The following PPP1R13B variants were observed in gnomAD, a reference collection of about 807,000 sequenced individuals.
The protein encoded by PPP1R13B is apoptosis-stimulating of p53 protein 1.
A neutral mutation model predicts 119.8 loss-of-function variants in PPP1R13B; 44 were observed. That is an observed-to-expected ratio of 0.37 (90% CI 0.29 to 0.47). The LOEUF (loss-of-function observed/expected upper bound fraction) is 0.47, where lower values mean the gene tolerates loss of function less well. PPP1R13B is among the 20% of genes least tolerant of loss of function. PPP1R13B has a pLI of 0.99. For synonymous variants in PPP1R13B, 542 were observed against 561.5 expected (o/e 0.97, Z 0.49); for missense variants, 1,227 against 1,413.5 (o/e 0.87, Z 2.12).
chr14:103,839,845 A>G (rs1441011294), intron 1 of PPP1R13B, among the ~76,000 whole-genome samples: 1 of 152,164 alleles, frequency 6.6e-6, no homozygotes, highest in Non-Finnish European at 1.5e-5. Flanking sequence ...AGCTATGATA[A>G]TTACAATCAC....
intron 1 of PPP1R13B, among the ~76,000 whole-genome samples, chr14:103,826,620 G>T (rs2086547673): frequency 6.6e-6 from 1 of 150,924 alleles, no homozygotes; most frequent in East Asian, 2.0e-4. Flanking sequence ...AAGCAGTTAA[G>T]TTTAGATTAT....
chr14:103,841,438 A>G (rs535750750), intron 1 of PPP1R13B, among the ~76,000 whole-genome samples: 6 of 151,712 alleles, frequency 4.0e-5, no homozygotes, highest in Admixed American at 3.3e-4. Context: ...AAATACAAAA[A>G]AATTAGCCAG....
chr14:103,765,048 G>A (rs559591273), intron 4 of PPP1R13B, among the ~76,000 whole-genome samples: 11 of 152,312 alleles, frequency 7.2e-5, no homozygotes, highest in African/African-American at 2.6e-4. Context: ...TCGATCTCCT[G>A]ACCTCGTGAT....
chr14:103,796,735 T>C (rs1439769399), intron 2 of PPP1R13B, among the ~76,000 whole-genome samples: 2 of 152,092 alleles, frequency 1.3e-5, no homozygotes, highest in Admixed American at 6.6e-5. Flanking sequence ...GGTGGGTGGA[T>C]TGCCTGAGCT....
At chr14:103,759,378 C>T (rs530347125) in intron 4 of PPP1R13B, 2 of 151,130 alleles carry the variant, frequency 1.3e-5, no homozygotes, top group African/African-American at 4.9e-5. Context: ...CACTCTGTCA[C>T]CCAGGCTGGG....
chr14:103,746,213 G>A (rs1011295263), intron 9 of PPP1R13B, among the ~76,000 whole-genome samples, 160 bp downstream of exon 9: 1 of 152,304 alleles, frequency 6.6e-6, no homozygotes, highest in Non-Finnish European at 1.5e-5. Context: ...TTACCACAGG[G>A]GAACACAGCT....
At chr14:103,743,349 C>T (rs781229565) in intron 9 of PPP1R13B, among the ~76,000 whole-genome samples, 3 of 152,214 alleles carry the variant, frequency 2.0e-5, no homozygotes, top group Non-Finnish European at 4.4e-5. Context: ...GTGCAGGTTC[C>T]CACTGATTTG....
intron 4 of PPP1R13B, among the ~76,000 whole-genome samples, chr14:103,761,278 A>C (rs1220969769): frequency 5.4e-4 from 37 of 68,284 alleles, no homozygotes; most frequent in African/African-American, 1.7e-3. Flanking sequence ...TATATTTAAA[A>C]AAAAAAAAAA....
intron 5 of PPP1R13B, among the ~76,000 whole-genome samples, chr14:103,757,321 T>G (rs557536437): frequency 6.6e-6 from 1 of 152,336 alleles, no homozygotes; most frequent in South Asian, 2.1e-4. Context: ...CCCAGAGTGC[T>G]GGGATTACAG....
At chr14:103,763,202 C>A in intron 4 of PPP1R13B, 2 of 579,530 alleles carry the variant, frequency 3.5e-6, no homozygotes, top group Non-Finnish European at 6.3e-6. Context: ...GGAATGTGTC[C>A]ATGAAATAGG....
At chr14:103,754,929 A>G (rs1414795133) in intron 5 of PPP1R13B, among the ~76,000 whole-genome samples, 2 of 151,926 alleles carry the variant, frequency 1.3e-5, no homozygotes, top group African/African-American at 4.8e-5. Flanking sequence ...ACAGGCGCCC[A>G]CCACCATGCC....
In PPP1R13B at chr14:103,742,761, C is replaced by T; in HGVS notation, c.1213G>A (p.Val405Met). 1.9e-6 allele frequency: 3 copies of T among 1,614,178 alleles called. No individual in the cohort carries two copies. The South Asian group carries it at 3.3e-5, about 18-fold the overall frequency. The change falls in exon 10 of 17, where the codon GTG (valine) becomes ATG (methionine). Residue 405 changes from valine to methionine, a missense_variant. Coordinates refer to ENST00000202556, the MANE Select transcript of PPP1R13B (RefSeq NM_015316.3). The surrounding 1 kb of genome is among the most constrained non-coding windows in gnomAD (Gnocchi z 4.9). ...GGATCCTTCCAGTCTGCACCGGCCA[C>T]CTGCACTGGTTTCACGGAAGAGCTA... is the stretch of plus-strand genomic sequence containing the variant. ...NSSSSVKPVQ[V>M]AGADWKDPSV...
chr14:103,822,029 C>CCTT (rs1244432832), intron 1 of PPP1R13B, among the ~76,000 whole-genome samples: 1 of 152,144 alleles, frequency 6.6e-6, no homozygotes, highest in Non-Finnish European at 1.5e-5. Context: ...AAAACCAAGA[C>CCTT]CTTCCCATGC....
At chr14:103,741,104 T>TGTGCAGGAAGTGACTAGGCAC (rs1454240197) in intron 11 of PPP1R13B, among the ~76,000 whole-genome samples, 1 of 152,212 alleles carries the variant, frequency 6.6e-6, no homozygotes, top group Non-Finnish European at 1.5e-5. Context: ...GGGAGGTCCC[T>TGTGCAGGAAGTGACTAGGCAC]GTGCAGGAAG....
intron 8 of PPP1R13B, chr14:103,747,015 T>G (rs1387059618): frequency 6.5e-6 from 1 of 152,902 alleles, no homozygotes; most frequent in East Asian, 1.9e-4. Context: ...CGGTACTGTC[T>G]AAGCCACGTG....
chr14:103,782,758 T>C lies in PPP1R13B; in HGVS notation c.277+2037A>G, dbSNP rs567401210. ...TCATATATCCTAGGGCCATGTATAT[T>C]CCTTTTCTGTGAACTGTGTGTGTAT... On this transcript the variant is annotated intron_variant, in intron 3 of 16. Coordinates refer to ENST00000202556, the MANE Select transcript of PPP1R13B (RefSeq NM_015316.3). 2.6e-5 allele frequency among the ~76,000 whole-genome samples: 4 copies of C among 152,276 alleles called. No homozygotes were observed. In the East Asian group the frequency reaches 7.7e-4, roughly 29 times the overall value.
At chr14:103,797,943 G>A (rs137864891) in intron 1 of PPP1R13B, among the ~76,000 whole-genome samples, 74 of 152,028 alleles carry the variant, frequency 4.9e-4, no homozygotes, top group African/African-American at 1.7e-3. Flanking sequence ...GGAAAAAATG[G>A]TTTCATACCA....
rs770056840 is a variant in PPP1R13B at position 103,778,754 on chromosome 14, A to G, written c.345T>C (p.Thr115=). 6.2e-7 allele frequency: 1 copy of G among 1,613,412 alleles called. No individual in the cohort carries two copies. The highest frequency in any genetic ancestry group is 8.5e-7 in the Non-Finnish European group (1 of 1,179,360). ...NVINVPGEKR[T]ENGVGNPRVE... ...ATTCACTGTCACTTACCCCATTTTC[A>G]GTACGTTTTTCTCCAGGTACATTTA... Residue 115 remains threonine, a synonymous_variant, in exon 4 of 17, where the codon ACT becomes ACC. Coordinates refer to ENST00000202556, the MANE Select transcript of PPP1R13B (RefSeq NM_015316.3).
At chr14:103,817,697 T>C (rs543052890) in intron 1 of PPP1R13B, among the ~76,000 whole-genome samples, 1 of 152,294 alleles carries the variant, frequency 6.6e-6, no homozygotes, top group African/African-American at 2.4e-5. Flanking sequence ...TTGCTTGCTA[T>C]GTTTGAGGAT....
Sources: gnomAD v4.1 joint callset for allele counts (sites outside exome capture counted in the v4.1 genomes callset) on GRCh38, gnomAD v4.1.1 for gene constraint, Gnocchi (gnomAD v3.1) non-coding constraint, MANE v1.5 for transcripts, NCBI Gene and HGNC (gene_info 2026-07-23, HGNC 2026-07-21) for gene names.